The following MTA1 variants were observed in gnomAD, a reference collection of about 807,000 sequenced individuals.
MTA1 encodes the protein metastasis associated 1.
In MTA1, 15 loss-of-function variants were observed where a neutral mutation model predicts 97.0. The ratio of observed to expected loss-of-function variants is 0.15; its 90% CI spans 0.10 to 0.24. The LOEUF (loss-of-function observed/expected upper bound fraction) is 0.24. Among genes scored for constraint, MTA1 ranks in the 10% least tolerant of loss-of-function variants. MTA1 has a pLI of 1.00. For missense variants in MTA1, 709 were observed against 1,015.1 expected (o/e 0.70, Z 4.10); for synonymous variants, 435 against 417.5 (o/e 1.04, Z -0.51).
At chr14:105,434,172 A>G (rs977421048) in intron 1 of MTA1, among the ~76,000 whole-genome samples, 3 of 152,200 alleles carry the variant, frequency 2.0e-5, no homozygotes, top group East Asian at 1.9e-4. Flanking sequence ...ATTAGTCCCT[A>G]TGTAATATCC....
chr14:105,433,429 G>A (rs1595289356), intron 1 of MTA1, among the ~76,000 whole-genome samples: 1 of 152,304 alleles, frequency 6.6e-6, no homozygotes, highest in East Asian at 1.9e-4. Context: ...CCTCTCTGAG[G>A]TGGCCTGAGG....
At position 105,420,781 on chromosome 14, in the gene MTA1, G is replaced by A. The variant is rs1269240632; in HGVS notation, c.28+718G>A. 6.6e-6 allele frequency among the ~76,000 whole-genome samples: 1 copy of A among 152,230 alleles called. No homozygotes were observed. The highest frequency in any genetic ancestry group is 1.5e-5 in the Non-Finnish European group (1 of 68,030). ...CCTGTTGCTCGGGCCCCCCGGGCCT[G>A]CAGCTTTGAGCCTTGCCCTCCTTCG... is the stretch of plus-strand genomic sequence containing the variant. On this transcript the variant is annotated intron_variant, in intron 1 of 20. Coordinates refer to ENST00000331320, the MANE Select transcript of MTA1 (RefSeq NM_004689.4). This position sits in a 1 kb window ranked among gnomAD's most constrained non-coding sequence, Gnocchi z 5.3.
chr14:105,463,269 C>A lies in MTA1; in HGVS notation c.1017+11C>A. 1.9e-6 allele frequency: 3 copies of A among 1,610,686 alleles called. No individual in the cohort carries two copies. The highest frequency in any genetic ancestry group is 2.5e-6 in the Non-Finnish European group (3 of 1,179,726). On this transcript the variant is annotated intron_variant, in intron 11 of 20. Coordinates refer to ENST00000331320, the MANE Select transcript of MTA1 (RefSeq NM_004689.4). The surrounding 1 kb of genome is among the most constrained non-coding windows in gnomAD (Gnocchi z 5.9). ...AGATACGTGCAGCAGGTGAGCCCGC[C>A]CGCCACTCAGTGCCCGGGGTGTGCC...
At chr14:105,467,457 CCT>C (rs1169798008) in intron 18 of MTA1, 3 of 455,864 alleles carry the variant, frequency 6.6e-6, no homozygotes, top group African/African-American at 4.0e-5. Context: ...CCCAGCCAAC[CCT>C]GTCCCCTTGG....
chr14:105,423,336 A>T (rs1371134278), intron 1 of MTA1, among the ~76,000 whole-genome samples: 1 of 147,426 alleles, frequency 6.8e-6, no homozygotes, highest in Non-Finnish European at 1.5e-5. Flanking sequence ...TTCCTGCCTC[A>T]GCCTCCCAAG....
chr14:105,449,475 C>T, intron 4 of MTA1, 66 bp downstream of exon 4: 1 of 1,557,428 alleles, frequency 6.4e-7, no homozygotes, highest in Non-Finnish European at 8.7e-7. Flanking sequence ...GGCGGCAGCG[C>T]CGCTGAGGGA....
chr14:105,467,750 C>G (rs587634093), intron 18 of MTA1: 5 of 312,564 alleles, frequency 1.6e-5, no homozygotes, highest in South Asian at 4.9e-5. Flanking sequence ...CCAGCCCACT[C>G]TGGGCTGGCT....
At chr14:105,438,070 T>C (rs1555424832) in intron 1 of MTA1, among the ~76,000 whole-genome samples, 3 of 152,236 alleles carry the variant, frequency 2.0e-5, no homozygotes, top group Non-Finnish European at 4.4e-5. Flanking sequence ...TGGTGAGCTC[T>C]GGTATTCCTG....
At position 105,463,180 on chromosome 14, in the gene MTA1, C is replaced by T. The variant is rs1278364721; in HGVS notation, c.943-4C>T. ...GCTTGTGTGACACGCCTCCTCCCACCCAGCTCCCGTGGAAGTCGCTGACCA... is the reference window on the plus strand; with the variant it reads ...GCTTGTGTGACACGCCTCCTCCCACTCAGCTCCCGTGGAAGTCGCTGACCA... On this transcript the variant is annotated splice_region_variant and splice_polypyrimidine_tract_variant and intron_variant, in intron 10 of 20. Transcript: ENST00000331320. This position sits in a 1 kb window ranked among gnomAD's most constrained non-coding sequence, Gnocchi z 5.9. 4.3e-5 allele frequency: 69 copies of T among 1,611,362 alleles called. No individual in the cohort carries two copies. The highest frequency in any genetic ancestry group is 5.8e-5 in the Non-Finnish European group (69 of 1,179,804).
intron 1 of MTA1, among the ~76,000 whole-genome samples, chr14:105,433,178 C>T (rs587659787): frequency 3.3e-5 from 5 of 152,266 alleles, no homozygotes; most frequent in African/African-American, 4.8e-5. Flanking sequence ...GGTGGGCTTC[C>T]GGCGTCTCTC....
At position 105,422,515 on chromosome 14, in the gene MTA1, C is replaced by G. The variant is rs942980358; in HGVS notation, c.28+2452C>G. ...GAAGGGGCTTGCTCCTGTGCCCCCCCACCCCAGGGACCTTGTGTGTAGAGG... is the reference window on the plus strand; with the variant it reads ...GAAGGGGCTTGCTCCTGTGCCCCCCGACCCCAGGGACCTTGTGTGTAGAGG... On this transcript the variant is annotated intron_variant, in intron 1 of 20. Coordinates refer to ENST00000331320, the MANE Select transcript of MTA1 (RefSeq NM_004689.4). This position sits in a 1 kb window ranked among gnomAD's most constrained non-coding sequence, Gnocchi z 4.3. 6.6e-6 allele frequency among the ~76,000 whole-genome samples: 1 copy of G among 152,198 alleles called. No homozygotes were observed. Among genetic ancestry groups the G allele is most frequent in the Non-Finnish European group, 1.5e-5 (1 of 68,038 alleles).
intron 1 of MTA1, among the ~76,000 whole-genome samples, chr14:105,425,161 T>G (rs2081971532): frequency 6.6e-6 from 1 of 152,202 alleles, no homozygotes; most frequent in African/African-American, 2.4e-5. Context: ...CTTGCCAGAT[T>G]ATGGGCTGAG....
chr14:105,463,730 GTC>G lies in MTA1; in HGVS notation c.1076+183_1076+184del. On this transcript the variant is annotated intron_variant, in intron 12 of 20. Coordinates refer to ENST00000331320, the MANE Select transcript of MTA1 (RefSeq NM_004689.4). This position sits in a 1 kb window ranked among gnomAD's most constrained non-coding sequence, Gnocchi z 5.9. ...TTCTGGCTGCAGACGCAGTGGCCAT[GTC>G]TCTGTCGTCCTGGCCTCCTGGTCAG... 1 of 642,848 alleles carries G rather than the reference GTC, an allele frequency of 1.6e-6. No homozygotes were observed. Among genetic ancestry groups the G allele is most frequent in the Non-Finnish European group, 2.7e-6 (1 of 370,058 alleles). The allele number at this position is 642,848 out of a possible 1,614,324, so 39.8% of individuals were successfully genotyped here.
chr14:105,465,225 C>A (rs34681866), intron 16 of MTA1, 42 bp downstream of exon 16: 47 of 1,460,984 alleles, frequency 3.2e-5, no homozygotes, highest in Non-Finnish European at 4.0e-5. Context: ...ATGCTGCCTG[C>A]AGGCAGCTTC....
Position 105,463,920 on chromosome 14 carries a change from G to A in MTA1, c.1077-112G>A. On this transcript the variant is annotated intron_variant, in intron 12 of 20. Coordinates refer to ENST00000331320, the MANE Select transcript of MTA1 (RefSeq NM_004689.4). The surrounding 1 kb of genome is among the most constrained non-coding windows in gnomAD (Gnocchi z 5.9). Reference sequence around the variant, plus strand: ...AAGATCCCTGCCGAGGCCGAGGGGTGCGAGGACGTGGTTCTGGACAAGGGG... The same window carrying A: ...AAGATCCCTGCCGAGGCCGAGGGGTACGAGGACGTGGTTCTGGACAAGGGG... 1.0e-6 allele frequency: 1 copy of A among 988,870 alleles called. No homozygotes were observed. The highest frequency in any genetic ancestry group is 1.6e-6 in the Non-Finnish European group (1 of 622,428). The allele number at this position is 988,870 out of a possible 1,614,324, so 61.3% of individuals were successfully genotyped here. A position where few individuals can be genotyped will look rare whatever the true frequency, so the allele number is the denominator to read the frequency against.
chr14:105,456,872 C>T (rs587621836), intron 7 of MTA1, among the ~76,000 whole-genome samples: 8 of 152,348 alleles, frequency 5.3e-5, no homozygotes, highest in East Asian at 1.9e-4. Flanking sequence ...TGGCTGACCC[C>T]GTCCTCTGAG....
chr14:105,443,539 T>G (rs764497864), intron 2 of MTA1, among the ~76,000 whole-genome samples: 2 of 152,194 alleles, frequency 1.3e-5, no homozygotes, highest in Non-Finnish European at 2.9e-5. Context: ...ATCTGGTTAA[T>G]TTTTAAAACA....
intron 2 of MTA1, among the ~76,000 whole-genome samples, chr14:105,442,725 G>C (rs113530273): frequency 1.2e-5 from 1 of 86,802 alleles, no homozygotes; most frequent in African/African-American, 5.5e-5. Context: ...GACTGAGTCC[G>C]CTGTGTGCAG....
intron 18 of MTA1, among the ~76,000 whole-genome samples, chr14:105,468,747 C>T (rs1273053612): frequency 6.6e-6 from 1 of 152,210 alleles, no homozygotes; most frequent in African/African-American, 2.4e-5. Flanking sequence ...CCGAGCCATC[C>T]TGGGACCAGC....
Sources: allele counts gnomAD v4.1 joint callset (sites outside exome capture counted in the v4.1 genomes callset), GRCh38; gene constraint gnomAD v4.1.1; non-coding constraint Gnocchi (gnomAD v3.1); transcripts MANE v1.5; gene names NCBI Gene and HGNC (gene_info 2026-07-23, HGNC 2026-07-21).